Variants in FRYL observed in about 807,000 individuals in gnomAD.
FRYL encodes protein furry homolog-like.
Under a neutral mutation model 351.2 loss-of-function variants are expected in FRYL, and 150 were observed. The observed-to-expected ratio is 0.43, with a 90% CI of 0.37 to 0.49. FRYL has a LOEUF of 0.49. Ranked by LOEUF, FRYL falls within the 20% of genes least tolerant of loss-of-function variation. The probability of loss-of-function intolerance (pLI) is 0.00; values close to 1 mark genes in which losing one functional copy is unlikely to be tolerated. For synonymous variants in FRYL, 1,153 were observed against 1,257.1 expected (o/e 0.92, Z 1.75); for missense variants, 3,036 against 3,619.3 (o/e 0.84, Z 4.13).
chr4:48,616,240 A>T (rs1319138610), intron 7 of FRYL, among the ~76,000 whole-genome samples: 3 of 151,950 alleles, frequency 2.0e-5, no homozygotes, highest in African/African-American at 4.8e-5. Context: ...AATACTGGCC[A>T]TTTCACCTAA....
rs755961888 is a variant in FRYL, at chr4:48,547,368, C to T, written c.5074+216G>A. On this transcript the variant is annotated intron_variant, in intron 41 of 63. Transcript: ENST00000358350. ...ACTTACATATTCCTAAGTTAAATCTCGATAAAGATCGTTCGAGGTAATGCA... is the reference window on the plus strand; with the variant it reads ...ACTTACATATTCCTAAGTTAAATCTTGATAAAGATCGTTCGAGGTAATGCA... 33 of 354,660 alleles carry T rather than the reference C, an allele frequency of 9.3e-5. No homozygotes were observed. The Middle Eastern group carries it at 2.9e-3, about 32-fold the overall frequency. 22.0% of individuals were successfully genotyped at this position (354,660 alleles called of 1,614,324 possible).
Position 48,510,046 on chromosome 4 carries a change from A to T in FRYL, c.8394+13T>A, listed in dbSNP as rs1722149912. The T allele has an allele frequency of 5.0e-6, 8 of 1,597,650 alleles. No individual in the cohort carries two copies. In the East Asian group the frequency reaches 1.8e-4, roughly 36 times the overall value. On this transcript the variant is annotated intron_variant, in intron 59 of 63. Coordinates refer to ENST00000358350, the MANE Select transcript of FRYL (RefSeq NM_015030.2). ...AGCAAACCACTTTTCGCACATGGTA[A>T]AAAGAGACTGACCTGCTCAGCGGCT...
intron 1 of FRYL, among the ~76,000 whole-genome samples, chr4:48,777,991 G>A (rs1252387113): frequency 6.6e-6 from 1 of 152,136 alleles, no homozygotes; most frequent in South Asian, 2.1e-4. Context: ...TTGGAGACCA[G>A]CCGTCTATAC....
Position 48,773,981 on chromosome 4 carries a change from G to C in FRYL, c.-384+6097C>G, listed in dbSNP as rs145343419. Among the ~76,000 whole-genome samples, 3 of 152,282 alleles carry C rather than the reference G, an allele frequency of 2.0e-5. No individual in the cohort carries two copies. The East Asian group carries it at 5.8e-4, about 29-fold the overall frequency. Reference sequence around the variant, plus strand: ...CTTGGAGCTACCCACATCAAGGAATGATGTACTTGAATCTATTTACAGTAC... The same window carrying C: ...CTTGGAGCTACCCACATCAAGGAATCATGTACTTGAATCTATTTACAGTAC... On this transcript the variant is annotated intron_variant, in intron 1 of 63. Transcript: ENST00000358350.
chr4:48,594,072 G>T, intron 15 of FRYL, 56 bp from the exon 16 acceptor site: 3 of 927,246 alleles, frequency 3.2e-6, no homozygotes, highest in Non-Finnish European at 3.2e-6. Flanking sequence ...ATCATGCTAA[G>T]AATTATAAAT....
intron 44 of FRYL, 47 bp downstream of exon 44, chr4:48,543,760 A>C (rs1433030677): frequency 6.5e-7 from 1 of 1,534,310 alleles, no homozygotes; most frequent in South Asian, 1.2e-5. Flanking sequence ...TAAATCCTTG[A>C]CAACTAGTAG....
chr4:48,555,398 T>A (rs1733851585), intron 35 of FRYL, among the ~76,000 whole-genome samples: 1 of 152,158 alleles, frequency 6.6e-6, no homozygotes, highest in Non-Finnish European at 1.5e-5. Flanking sequence ...ATATATCATG[T>A]GTTTGGTGAT....
chr4:48,520,733 C>T (rs1724733127), intron 55 of FRYL: 1 of 193,298 alleles, frequency 5.2e-6, no homozygotes, highest in Non-Finnish European at 1.0e-5. Flanking sequence ...CCAAAGCGGT[C>T]CTTCTAAGAA....
chr4:48,686,147 T>C (rs1290333683), intron 2 of FRYL, among the ~76,000 whole-genome samples: 23 of 152,198 alleles, frequency 1.5e-4, no homozygotes, highest in Non-Finnish European at 8.8e-5. Flanking sequence ...TTTTTCTCTT[T>C]AATTAATTTA....
rs550269112 is a variant in FRYL, at chr4:48,520,059, C to T, written c.7689+989G>A. Among the ~76,000 whole-genome samples, 265 of 152,268 alleles carry T rather than the reference C, an allele frequency of 1.7e-3. 1 individual carries two copies. Among genetic ancestry groups the T allele is most frequent in the Non-Finnish European group, 3.0e-3 (205 of 68,004 alleles). On this transcript the variant is annotated intron_variant, in intron 55 of 63. Coordinates refer to ENST00000358350, the MANE Select transcript of FRYL (RefSeq NM_015030.2). ...AATGAAATTTTTTTAAAAGCCTTCT[C>T]TGTCTTAATAGACAGCAAGAGAACG...
rs150800227 is a variant in FRYL, at chr4:48,503,873, A to G, written c.8464-1028T>C. Reference sequence around the variant, plus strand: ...AAATTTCTGAGGGTTTAGTTCATACAGTTTATTTCATATGGAAATTAACAA... The same window carrying G: ...AAATTTCTGAGGGTTTAGTTCATACGGTTTATTTCATATGGAAATTAACAA... On this transcript the variant is annotated intron_variant, in intron 60 of 63. Transcript: ENST00000358350. 8.9e-4 allele frequency among the ~76,000 whole-genome samples: 136 copies of G among 152,308 alleles called. 1 individual carries two copies. The highest frequency in any genetic ancestry group is 3.4e-3 in the Middle Eastern group (1 of 294).
chr4:48,706,576 C>T (rs764939355), intron 2 of FRYL, among the ~76,000 whole-genome samples: 4 of 152,162 alleles, frequency 2.6e-5, no homozygotes, highest in Non-Finnish European at 4.4e-5. Flanking sequence ...GTGATAATTG[C>T]ACAACAATGT....
At chr4:48,589,507 C>T (rs186658886) in intron 18 of FRYL, among the ~76,000 whole-genome samples, 1 of 152,062 alleles carries the variant, frequency 6.6e-6, no homozygotes, top group Admixed American at 6.5e-5. Flanking sequence ...AGTGTAGGGC[C>T]TTGTCATTGA....
chr4:48,674,630 G>A (rs905769148), intron 3 of FRYL, among the ~76,000 whole-genome samples: 2 of 149,824 alleles, frequency 1.3e-5, no homozygotes, highest in Admixed American at 1.3e-4. Context: ...CCAGCTACTC[G>A]GGAGGCTGAG....
intron 13 of FRYL, among the ~76,000 whole-genome samples, chr4:48,600,907 C>T (rs553666887): frequency 6.6e-6 from 1 of 152,212 alleles, no homozygotes; most frequent in South Asian, 2.1e-4. Context: ...TCAAATAAGG[C>T]ATATAAATTC....
intron 2 of FRYL, among the ~76,000 whole-genome samples, chr4:48,698,427 C>T (rs1244764153): frequency 6.6e-6 from 1 of 152,234 alleles, no homozygotes. Flanking sequence ...ACGTGATGGG[C>T]TCCAAAGCTG....
intron 49 of FRYL, 73 bp downstream of exon 49, chr4:48,534,472 C>T (rs1728447356): frequency 4.4e-6 from 5 of 1,148,506 alleles, no homozygotes; most frequent in Non-Finnish European, 6.3e-6. Context: ...ACATTTAAGG[C>T]ATTTCCAATA....
In FRYL at chr4:48,539,957, T is replaced by A. The variant is rs770717637; in HGVS notation, c.6393+14A>T. 26 of 1,581,420 alleles carry A rather than the reference T, an allele frequency of 1.6e-5. No homozygotes were observed. The highest frequency in any genetic ancestry group is 2.3e-5 in the Non-Finnish European group (26 of 1,151,466). On this transcript the variant is annotated intron_variant, in intron 47 of 63. Transcript: ENST00000358350. ...TTCCCTATAGTGTTACCTTTCAGCATAACATTTGCTTACCTTTGCTATTCG... is the reference window on the plus strand; with the variant it reads ...TTCCCTATAGTGTTACCTTTCAGCAAAACATTTGCTTACCTTTGCTATTCG...
chr4:48,636,339 T>C (rs139701064), intron 3 of FRYL, among the ~76,000 whole-genome samples: 3 of 152,230 alleles, frequency 2.0e-5, no homozygotes, highest in South Asian at 2.1e-4. Flanking sequence ...TTACAAACTA[T>C]ATCTTTTCCT....
Sources: gnomAD v4.1 joint callset for allele counts (sites outside exome capture counted in the v4.1 genomes callset) on GRCh38, gnomAD v4.1.1 for gene constraint, MANE v1.5 for transcripts, NCBI Gene and HGNC (gene_info 2026-07-23, HGNC 2026-07-21) for gene names.